The following RORA variants were observed in gnomAD, a reference collection of about 807,000 sequenced individuals.
The protein encoded by RORA is nuclear receptor ROR-alpha.
A neutral mutation model predicts 69.5 loss-of-function variants in RORA; 7 were observed. That is an observed-to-expected ratio of 0.10 (90% CI 0.06 to 0.19). RORA has a LOEUF of 0.19. Among genes scored for constraint, RORA ranks in the 10% least tolerant of loss-of-function variants. The pLI is 1.00. For missense variants in RORA, 457 were observed against 663.0 expected (o/e 0.69, Z 3.41); for synonymous variants, 261 against 240.8 (o/e 1.08, Z -0.78).
At chr15:60,631,420 G>T (rs935721415) in intron 2 of RORA, among the ~76,000 whole-genome samples, 2 of 152,088 alleles carry the variant, frequency 1.3e-5, no homozygotes, top group African/African-American at 4.8e-5. Flanking sequence ...TGCACACCAG[G>T]TATCTGACCC....
At chr15:60,706,325 G>A (rs1164994927) in intron 1 of RORA, 1 of 152,220 alleles carries the variant, frequency 6.6e-6, no homozygotes, top group Admixed American at 6.5e-5. Context: ...GCACCCTCAA[G>A]CAGCACATCA....
intron 2 of RORA, among the ~76,000 whole-genome samples, chr15:60,601,532 A>G (rs190760287): frequency 1.2e-3 from 182 of 152,318 alleles, no homozygotes; most frequent in Non-Finnish European, 2.0e-3. Flanking sequence ...TGACGTTCCT[A>G]AAAGACTCCA....
At chr15:60,679,791 A>G (rs184261854) in intron 1 of RORA, among the ~76,000 whole-genome samples, 137 of 152,322 alleles carry the variant, frequency 9.0e-4, no homozygotes, top group Non-Finnish European at 1.6e-4. Flanking sequence ...GTTGTGAGCC[A>G]AGACCAAAAT....
chr15:60,775,840 G>T lies in RORA; in HGVS notation c.167-97154C>A, dbSNP rs570979844. ...TTAAAATTACTGACATAGAAGAATTGTCTTGTGAAGCACCCCGTCCTTTCA... is the reference window on the plus strand; with the variant it reads ...TTAAAATTACTGACATAGAAGAATTTTCTTGTGAAGCACCCCGTCCTTTCA... On this transcript the variant is annotated intron_variant, in intron 1 of 10. Transcript: ENST00000335670. Among the ~76,000 whole-genome samples, 259 of 152,314 alleles carry T rather than the reference G, an allele frequency of 1.7e-3. 1 individual carries two copies. Among genetic ancestry groups the T allele is most frequent in the African/African-American group, 6.2e-3 (257 of 41,576 alleles).
intron 1 of RORA, among the ~76,000 whole-genome samples, chr15:61,001,455 T>C (rs148395808): frequency 6.6e-6 from 1 of 152,354 alleles, no homozygotes; most frequent in Non-Finnish European, 1.5e-5. Flanking sequence ...TGTGCTGGGC[T>C]AGTTTCCTTG....
chr15:60,607,963 T>G lies in RORA; in HGVS notation c.196+70694A>C, dbSNP rs1232569779. ...CATGCACACACATGATACCGATACC[T>G]TTTTCTTGGCTGCAACGATTCTTTT... On this transcript the variant is annotated intron_variant, in intron 2 of 10. Coordinates refer to ENST00000335670, the MANE Select transcript of RORA (RefSeq NM_134261.3). Among the ~76,000 whole-genome samples the G allele has an allele frequency of 2.0e-5, 3 of 152,340 alleles. No individual in the cohort carries two copies. In the East Asian group the frequency reaches 5.8e-4, roughly 29 times the overall value.
chr15:60,901,633 AG>A (rs1891396437), intron 1 of RORA, among the ~76,000 whole-genome samples: 1 of 149,830 alleles, frequency 6.7e-6, no homozygotes, highest in Admixed American at 6.6e-5. Flanking sequence ...ATAAACTAAA[AG>A]AAAAATGAGT....
At chr15:61,158,969 G>A (rs373596277) in intron 1 of RORA, among the ~76,000 whole-genome samples, 3 of 152,148 alleles carry the variant, frequency 2.0e-5, no homozygotes, top group East Asian at 3.9e-4. Context: ...GATGTGGTAG[G>A]ATCTTTTCTC....
intron 1 of RORA, among the ~76,000 whole-genome samples, chr15:61,096,352 T>C (rs988694380): frequency 2.0e-5 from 3 of 152,154 alleles, no homozygotes; most frequent in Non-Finnish European, 4.4e-5. Flanking sequence ...AATGACATTT[T>C]GTTCCTTCCC....
chr15:60,749,997 G>T (rs1015072802), intron 1 of RORA, among the ~76,000 whole-genome samples: 5 of 152,182 alleles, frequency 3.3e-5, no homozygotes, highest in African/African-American at 1.2e-4. Flanking sequence ...ACCAGTGCAC[G>T]CCAGCCTGGC....
At chr15:60,514,414 C>T (rs986361509) in intron 4 of RORA, among the ~76,000 whole-genome samples, 1 of 152,134 alleles carries the variant, frequency 6.6e-6, no homozygotes, top group Non-Finnish European at 1.5e-5. Flanking sequence ...ATCAGCCAGC[C>T]AGCTGACTCT....
At chr15:61,034,788 C>CAAAAAAAAAAAAAAAAAAA (rs33933996) in intron 1 of RORA, among the ~76,000 whole-genome samples, 1 of 82,952 alleles carries the variant, frequency 1.2e-5, no homozygotes, top group Non-Finnish European at 2.4e-5. Flanking sequence ...CATCACAGAC[C>CAAAAAAAAAAAAAAAAAAA]AAAAAAAAAA....
At position 61,147,957 on chromosome 15, in the gene RORA, G is replaced by A. The variant is rs1198734787; in HGVS notation, c.166+81096C>T. 6.6e-6 allele frequency among the ~76,000 whole-genome samples: 1 copy of A among 151,852 alleles called. No homozygotes were observed. Among genetic ancestry groups the A allele is most frequent in the Non-Finnish European group, 1.5e-5 (1 of 68,034 alleles). On this transcript the variant is annotated intron_variant, in intron 1 of 10. Transcript: ENST00000335670. This position sits in a 1 kb window ranked among gnomAD's most constrained non-coding sequence, Gnocchi z 4.1. ...GGCATTTTATCAGGAAGGTTATGGA[G>A]AGCCACTAGGGGACTTGAAACAAAG...
chr15:60,842,344 C>T (rs183716788), intron 1 of RORA, among the ~76,000 whole-genome samples: 7 of 152,302 alleles, frequency 4.6e-5, no homozygotes, highest in African/African-American at 1.7e-4. Context: ...TACCTAGTCT[C>T]AGCAAACAGA....
chr15:60,986,864 G>C (rs541057980), intron 1 of RORA, among the ~76,000 whole-genome samples: 4 of 152,264 alleles, frequency 2.6e-5, no homozygotes, highest in East Asian at 1.9e-4. Context: ...CTCAGTTTAG[G>C]GGGAGACAGA....
intron 1 of RORA, among the ~76,000 whole-genome samples, chr15:61,174,791 T>G (rs1017218971): frequency 6.6e-6 from 1 of 151,994 alleles, no homozygotes; most frequent in Non-Finnish European, 1.5e-5. Flanking sequence ...TAATGTTTAT[T>G]GCATACTCAC....
chr15:60,739,811 G>T (rs2071550163), intron 1 of RORA, among the ~76,000 whole-genome samples: 1 of 152,064 alleles, frequency 6.6e-6, no homozygotes, highest in Non-Finnish European at 1.5e-5. Flanking sequence ...ATTGAGGAAG[G>T]AAACGATTTC....
chr15:60,820,175 C>T (rs539144371), intron 1 of RORA, among the ~76,000 whole-genome samples: 1 of 152,366 alleles, frequency 6.6e-6, no homozygotes, highest in Admixed American at 6.5e-5. Context: ...TGCACTCCAC[C>T]TCCCATCACG....
intron 1 of RORA, among the ~76,000 whole-genome samples, chr15:60,994,799 T>G (rs16943453): frequency 0.18 from 27,642 of 152,176 alleles, 2,656 homozygotes; most frequent in South Asian, 0.24. Flanking sequence ...CCCTAGCCCA[T>G]TGTAACCACA....
Sources: gnomAD v4.1 joint callset for allele counts (sites outside exome capture counted in the v4.1 genomes callset) on GRCh38, gnomAD v4.1.1 for gene constraint, Gnocchi (gnomAD v3.1) non-coding constraint, MANE v1.5 for transcripts, NCBI Gene and HGNC (gene_info 2026-07-23, HGNC 2026-07-21) for gene names.